Variants in RGS9 observed in about 807,000 individuals in gnomAD.
RGS9 encodes the protein regulator of G protein signaling 9, also known as regulator of G-protein signalling 9.
A neutral mutation model predicts 102.0 loss-of-function variants in RGS9; 78 were observed. The observed-to-expected ratio is 0.76, with a 90% CI of 0.64 to 0.92. RGS9 has a LOEUF of 0.92. Ranked by LOEUF, RGS9 falls within the 40% of genes least tolerant of loss-of-function variation. The pLI is 0.00. For missense variants in RGS9, 833 were observed against 866.1 expected, an observed-to-expected ratio of 0.96 and a Z score of 0.48; for synonymous variants, 353 against 318.6, an observed-to-expected ratio of 1.11 and a Z score of -1.15.
At chr17:65,179,520 C>T (rs1911771562) in intron 9 of RGS9, among the ~76,000 whole-genome samples, 1 of 152,044 alleles carries the variant, frequency 6.6e-6, no homozygotes, top group South Asian at 2.1e-4. Flanking sequence ...CTCTGGAAAC[C>T]TCTTTCCTGG....
intron 17 of RGS9, among the ~76,000 whole-genome samples, chr17:65,220,420 G>C (rs1158354229): frequency 6.6e-6 from 1 of 152,212 alleles, no homozygotes; most frequent in Non-Finnish European, 1.5e-5. Context: ...CAATCCTGTA[G>C]TCTGGAGTTT....
intron 13 of RGS9, among the ~76,000 whole-genome samples, chr17:65,197,963 G>A (rs755704239): frequency 5.3e-5 from 8 of 151,748 alleles, no homozygotes; most frequent in African/African-American, 9.7e-5. Context: ...GAGCCACTGC[G>A]CCTGGCTTCC....
intron 8 of RGS9, among the ~76,000 whole-genome samples, chr17:65,177,454 T>TTCCA (rs1451519893): frequency 1.3e-5 from 2 of 151,200 alleles, no homozygotes; most frequent in African/African-American, 4.9e-5. Context: ...CTGTCCATTT[T>TTCCA]TCCATCCATC....
At chr17:65,177,115 ATCTC>A (rs1911666363) in intron 8 of RGS9, among the ~76,000 whole-genome samples, 1 of 140,822 alleles carries the variant, frequency 7.1e-6, no homozygotes, top group East Asian at 2.2e-4. Context: ...CCATTCATCC[ATCTC>A]ACTATGGTGC....
In RGS9 at chr17:65,168,941, A is replaced by T. The variant is rs192343836; in HGVS notation, c.582+660A>T. On this transcript the variant is annotated intron_variant, in intron 8 of 18. Coordinates refer to ENST00000262406, the MANE Select transcript of RGS9 (RefSeq NM_003835.4). Reference sequence around the variant, plus strand: ...CAGAAGTGGGGTCTGACTGCTACATACTGGGATTAACTCTGCTACCTCAGT... The same window carrying T: ...CAGAAGTGGGGTCTGACTGCTACATTCTGGGATTAACTCTGCTACCTCAGT... 2.8e-3 allele frequency among the ~76,000 whole-genome samples: 423 copies of T among 152,226 alleles called. 2 individuals carry two copies. The highest frequency in any genetic ancestry group is 9.6e-3 in the African/African-American group (398 of 41,536).
At chr17:65,193,081 C>A (rs554553199) in intron 11 of RGS9, among the ~76,000 whole-genome samples, 25 of 146,676 alleles carry the variant, frequency 1.7e-4, no homozygotes, top group Admixed American at 9.5e-4. Flanking sequence ...GGCAACTTGG[C>A]AAAACCCTAT....
At chr17:65,191,541 G>A (rs1912367922) in intron 11 of RGS9, among the ~76,000 whole-genome samples, 1 of 151,980 alleles carries the variant, frequency 6.6e-6, no homozygotes, top group South Asian at 2.1e-4. Flanking sequence ...CCTGAGGTCA[G>A]GAGTTCAAGA....
At chr17:65,190,050 G>C (rs1173984155) in intron 10 of RGS9, 125 bp from the exon 11 acceptor site, 2 of 802,176 alleles carry the variant, frequency 2.5e-6, no homozygotes, top group Non-Finnish European at 4.4e-6. Context: ...TACTGAGGGG[G>C]CTGGCTCTGG....
chr17:65,214,560 T>G (rs1913419240), intron 17 of RGS9, among the ~76,000 whole-genome samples: 1 of 152,168 alleles, frequency 6.6e-6, no homozygotes, highest in Non-Finnish European at 1.5e-5. Flanking sequence ...GAGTAGGGTG[T>G]CATCAGATAG....
chr17:65,160,281 C>T lies in RGS9; in HGVS notation c.254C>T (p.Pro85Leu), dbSNP rs1432821103. Residue 85 changes from proline (P) to leucine (L), a missense_variant, in exon 4 of 19, where the codon CCC becomes CTC. Coordinates refer to ENST00000262406, the MANE Select transcript of RGS9 (RefSeq NM_003835.4). The stretch of plus-strand genomic sequence containing the variant: ...ATTGTCAGGTATGGCTACATTTACC[C>T]CCTGCAAGACCCCAAGAATCTCATT... Reference protein sequence around the residue: ...NFIVRYGYIYPLQDPKNLILK... With the variant: ...NFIVRYGYIYLLQDPKNLILK... The T allele has an allele frequency of 1.9e-6, 3 of 1,614,198 alleles. No individual in the cohort carries two copies. The highest frequency in any genetic ancestry group is 1.7e-5 in the Admixed American group (1 of 60,030).
At chr17:65,183,560 G>T (rs565151379) in intron 9 of RGS9, among the ~76,000 whole-genome samples, 3 of 152,142 alleles carry the variant, frequency 2.0e-5, no homozygotes, top group Non-Finnish European at 4.4e-5. Context: ...GCCTCCCAGG[G>T]TGCTGGGATT....
intron 17 of RGS9, among the ~76,000 whole-genome samples, chr17:65,216,264 T>C (rs2144120344): frequency 6.6e-6 from 1 of 152,336 alleles, no homozygotes; most frequent in East Asian, 1.9e-4. Flanking sequence ...AACTGAATGT[T>C]ACATTTTTTT....
chr17:65,216,875 C>T (rs970416533), intron 17 of RGS9, among the ~76,000 whole-genome samples: 3 of 152,034 alleles, frequency 2.0e-5, no homozygotes, highest in East Asian at 1.9e-4. Context: ...AAAGTAGGTT[C>T]GAGTAACTCT....
Position 65,181,269 on chromosome 17 carries a change from T to C in RGS9, c.654+3466T>C, listed in dbSNP as rs76643898. 8.9e-3 allele frequency among the ~76,000 whole-genome samples: 1,359 copies of C among 152,338 alleles called. 19 individuals are homozygous for C. The highest frequency in any genetic ancestry group is 0.031 in the African/African-American group (1,301 of 41,566). On this transcript the variant is annotated intron_variant, in intron 9 of 18. Transcript: ENST00000262406. ...ACTAATTTCATTCCCACCAGAAGCA[T>C]ATAAGCTTCCCTTTTCTCCTTGCCA...
intron 1 of RGS9, among the ~76,000 whole-genome samples, chr17:65,149,122 C>A (rs9675337): frequency 1.4e-5 from 2 of 138,250 alleles, no homozygotes; most frequent in Non-Finnish European, 3.0e-5. Flanking sequence ...CCACCATGCC[C>A]GGCTAGTTTT....
intron 8 of RGS9, among the ~76,000 whole-genome samples, chr17:65,175,284 T>G (rs1385847366): frequency 6.6e-6 from 1 of 152,088 alleles, no homozygotes; most frequent in Non-Finnish European, 1.5e-5. Context: ...TGTGTGAGTG[T>G]GAGTGTGAGA....
intron 9 of RGS9, among the ~76,000 whole-genome samples, chr17:65,180,829 T>A (rs914465583): frequency 1.3e-5 from 2 of 152,198 alleles, no homozygotes; most frequent in Non-Finnish European, 2.9e-5. Flanking sequence ...GGCCTGGGTG[T>A]CTGTTGTTCC....
chr17:65,210,097 G>A (rs1009345802), intron 16 of RGS9, among the ~76,000 whole-genome samples: 10 of 151,516 alleles, frequency 6.6e-5, no homozygotes, highest in Admixed American at 1.3e-4. Flanking sequence ...CCCCCCAACC[G>A]CCCCAAAAAA....
chr17:65,161,708 A>ATATTTATT lies in RGS9; in HGVS notation c.423+821_423+828dup, dbSNP rs3034082. On this transcript the variant is annotated intron_variant, in intron 6 of 18. Transcript: ENST00000262406. ...TTGCTGTGTTTTTATTTTTATTTAT[A>ATATTTATT]TATTTATTTATTTATTTATTTATTT... Among the ~76,000 whole-genome samples the ATATTTATT allele has an allele frequency of 4.4e-3, 602 of 137,304 alleles. 15 individuals carry two copies. The East Asian group carries it at 0.067, about 15-fold the overall frequency. 90.1% of individuals were successfully genotyped at this position (137,304 alleles called of 152,430 possible).
Sources: allele counts gnomAD v4.1 joint callset (sites outside exome capture counted in the v4.1 genomes callset), GRCh38; gene constraint gnomAD v4.1.1; transcripts MANE v1.5; gene names NCBI Gene and HGNC (gene_info 2026-07-23, HGNC 2026-07-21).